The following FBXO22 variants were observed in gnomAD, a reference collection of about 807,000 sequenced individuals.
FBXO22 encodes F-box only protein 22.
FBXO22 carries 13 observed loss-of-function variants against 37.2 expected under a neutral mutation model. The ratio of observed to expected loss-of-function variants is 0.35; its 90% CI spans 0.23 to 0.56. The LOEUF is 0.56. Ranked by LOEUF, FBXO22 falls within the 20% of genes least tolerant of loss-of-function variation. The pLI is 0.87. For synonymous variants in FBXO22, 189 were observed against 189.1 expected, an observed-to-expected ratio of 1.00 and a Z score of 0.00; for missense variants, 446 against 509.9, an observed-to-expected ratio of 0.87 and a Z score of 1.21.
chr15:75,904,168 G>A lies in FBXO22; in HGVS notation c.140+65G>A, dbSNP rs1595908874. ...CACGCCGTGGGCATGTCCCAGGCTG[G>A]CGGGGTGGGGGGAGAGACCCTTGGG... On this transcript the variant is annotated intron_variant, in intron 1 of 6. Transcript: ENST00000308275. The A allele has an allele frequency of 2.0e-6, 3 of 1,477,284 alleles. No homozygotes were observed. The East Asian group carries it at 7.5e-5, about 37-fold the overall frequency. 91.5% of individuals were successfully genotyped at this position (1,477,284 alleles called of 1,614,324 possible). A position where few individuals can be genotyped will look rare whatever the true frequency, so the allele number is the denominator to read the frequency against.
chr15:75,904,826 C>CTTT lies in FBXO22; in HGVS notation c.279+210_279+212dup, dbSNP rs3991408. Among the ~76,000 whole-genome samples, 1,332 of 136,044 alleles carry CTTT rather than the reference C, an allele frequency of 9.8e-3. 44 individuals are homozygous for CTTT. Among genetic ancestry groups the CTTT allele is most frequent in the African/African-American group, 0.027 (994 of 36,428 alleles). The allele number at this position is 136,044 out of a possible 152,430, so 89.3% of individuals were successfully genotyped here. A position where few individuals can be genotyped will look rare whatever the true frequency, so the allele number is the denominator to read the frequency against. ...TTTGACCGTTCATCAAATGTTGGGC[C>CTTT]TTTTTTTTTTTTTTTGAGACGTAGT... is the stretch of plus-strand genomic sequence containing the variant. On this transcript the variant is annotated intron_variant, in intron 2 of 6. Transcript: ENST00000308275.
At position 75,932,927 on chromosome 15, in the gene FBXO22, G is replaced by A; in HGVS notation, c.1037G>A (p.Arg346Lys). Residue 346 changes from arginine (R) to lysine (K), a missense_variant, in exon 7 of 7, where the codon AGA (arginine) becomes AAA (lysine). Arg to Lys is a conservative substitution (Grantham distance 26, BLOSUM62 2). This residue lies in a region of FBXO22 where 315 missense variants were observed against 410.1 expected (regional missense o/e 0.77). Transcript: ENST00000308275. ...AKGNVEADAFRKFFPSVPLFG... is the reference protein window; with the variant it reads ...AKGNVEADAFKKFFPSVPLFG... ...GGGAATGTTGAGGCTGATGCATTTA[G>A]AAAGTTTTTTCCTAGTGTTCCCTTA... 1 of 1,614,262 alleles carries A rather than the reference G, an allele frequency of 6.2e-7. No individual in the cohort carries two copies. Among genetic ancestry groups the A allele is most frequent in the Non-Finnish European group, 8.5e-7 (1 of 1,180,044 alleles).
chr15:75,932,551 A>G (rs1334505134), intron 6 of FBXO22, 134 bp from the exon 7 acceptor site: 2 of 789,078 alleles, frequency 2.5e-6, no homozygotes, highest in South Asian at 3.6e-5. Flanking sequence ...TTACTCACCT[A>G]TGAGGGTGAG....
intron 4 of FBXO22, among the ~76,000 whole-genome samples, chr15:75,916,046 CTCTG>C (rs1900176374): frequency 2.1e-5 from 2 of 96,260 alleles, no homozygotes; most frequent in South Asian, 7.8e-4. Flanking sequence ...CAGAGTAAGA[CTCTG>C]TCTCCAAAAA....
At chr15:75,913,843 C>T (rs1900123979) in intron 3 of FBXO22, among the ~76,000 whole-genome samples, 1 of 152,132 alleles carries the variant, frequency 6.6e-6, no homozygotes, top group Non-Finnish European at 1.5e-5. Flanking sequence ...TCAGCTGTTA[C>T]TGCTAAATTT....
intron 2 of FBXO22, 63 bp downstream of exon 2, chr15:75,904,692 A>G: frequency 7.1e-7 from 1 of 1,401,200 alleles, no homozygotes; most frequent in Non-Finnish European, 9.5e-7. Context: ...TTTGAGAACT[A>G]TTTTTTTTTA....
In FBXO22 at chr15:75,940,124, AT is replaced by A. The variant is rs66659406; in HGVS notation, c.*7023del. The A allele has an allele frequency of 0.43, 63,432 of 146,650 alleles. 13,956 individuals carry two copies. The highest frequency in any genetic ancestry group is 0.48 in the Admixed American group (7,151 of 14,756). 9.1% of individuals were successfully genotyped at this position (146,650 alleles called of 1,614,324 possible). On this transcript the variant is annotated 3_prime_UTR_variant, in exon 7 of 7. Transcript: ENST00000308275. ...AAAGATTCCACACCAAAAAAAAAAA[AT>A]AACTGTTAATTCAGTAAGGTAGCAG...
Position 75,941,308 on chromosome 15 carries a change from T to C in FBXO22, c.*8206T>C, listed in dbSNP as rs1555428215. On this transcript the variant is annotated 3_prime_UTR_variant, in exon 7 of 7. Transcript: ENST00000308275. ...AAGTGTTGGCAAGGATGTGGAGAAA[T>C]TGGAACTCTTATTACTGATGGAAAT... The C allele has an allele frequency of 6.6e-6, 1 of 152,132 alleles. No homozygotes were observed. The highest frequency in any genetic ancestry group is 1.5e-5 in the Non-Finnish European group (1 of 68,008). 9.4% of individuals were successfully genotyped at this position (152,132 alleles called of 1,614,324 possible). A position where few individuals can be genotyped will look rare whatever the true frequency, so the allele number is the denominator to read the frequency against.
At position 75,941,320 on chromosome 15, in the gene FBXO22, T is replaced by C. The variant is rs981697479; in HGVS notation, c.*8218T>C. 6.6e-6 allele frequency: 1 copy of C among 152,204 alleles called. No homozygotes were observed. Among genetic ancestry groups the C allele is most frequent in the African/African-American group, 2.4e-5 (1 of 41,450 alleles). 9.4% of individuals were successfully genotyped at this position (152,204 alleles called of 1,614,324 possible). A position where few individuals can be genotyped will look rare whatever the true frequency, so the allele number is the denominator to read the frequency against. ...GGATGTGGAGAAATTGGAACTCTTA[T>C]TACTGATGGAAATATAGTGGTATGC... On this transcript the variant is annotated 3_prime_UTR_variant, in exon 7 of 7. Transcript: ENST00000308275.
chr15:75,924,884 T>A (rs991684353), intron 5 of FBXO22, among the ~76,000 whole-genome samples: 3 of 152,238 alleles, frequency 2.0e-5, no homozygotes, highest in Non-Finnish European at 4.4e-5. Context: ...CTTTTCCTTT[T>A]ACAAATATCC....
At chr15:75,909,060 G>T (rs539226094) in intron 2 of FBXO22, among the ~76,000 whole-genome samples, 2 of 152,128 alleles carry the variant, frequency 1.3e-5, no homozygotes, top group African/African-American at 4.8e-5. Flanking sequence ...ATTTTATTCT[G>T]GTAGTAAAAA....
intron 5 of FBXO22, among the ~76,000 whole-genome samples, chr15:75,928,370 C>G (rs1688277436): frequency 6.6e-6 from 1 of 152,026 alleles, no homozygotes; most frequent in Admixed American, 6.6e-5. Context: ...CAGTGATAAA[C>G]TGGATAAAGA....
At position 75,934,325 on chromosome 15, in the gene FBXO22, T is replaced by A. The variant is rs972384115; in HGVS notation, c.*1223T>A. The A allele has an allele frequency of 6.6e-6, 1 of 152,292 alleles. No homozygotes were observed. Among genetic ancestry groups the A allele is most frequent in the Non-Finnish European group, 1.5e-5 (1 of 68,090 alleles). The allele number at this position is 152,292 out of a possible 1,614,324, so 9.4% of individuals were successfully genotyped here. On this transcript the variant is annotated 3_prime_UTR_variant, in exon 7 of 7. Transcript: ENST00000308275. ...GGATCCTGGTCCCTGTACGACCTCATTGAAGAAACACCATAAGTGGCGTGG... is the reference window on the plus strand; with the variant it reads ...GGATCCTGGTCCCTGTACGACCTCAATGAAGAAACACCATAAGTGGCGTGG...
In FBXO22 at chr15:75,932,250, A is replaced by G. The variant is rs190164437; in HGVS notation, c.795-435A>G. On this transcript the variant is annotated intron_variant, in intron 6 of 6. Transcript: ENST00000308275. ...CACCCTCCATTATTATATTTTTAAT[A>G]TACATCTTTCAGAATTTGACAGCTG... 5.3e-4 allele frequency among the ~76,000 whole-genome samples: 81 copies of G among 152,354 alleles called. 1 individual carries two copies. Among genetic ancestry groups the G allele is most frequent in the Middle Eastern group, 3.4e-3 (1 of 294 alleles).
At position 75,935,049 on chromosome 15, in the gene FBXO22, T is replaced by C. The variant is rs1026113171; in HGVS notation, c.*1947T>C. The C allele has an allele frequency of 1.3e-5, 2 of 152,240 alleles. No homozygotes were observed. The highest frequency in any genetic ancestry group is 2.9e-5 in the Non-Finnish European group (2 of 68,048). The allele number at this position is 152,240 out of a possible 1,614,324, so 9.4% of individuals were successfully genotyped here. ...ACAGTAAAATCATTTAGTCACATGG[T>C]TGTAACCTTAGTGCAAAGTAAAAAG... On this transcript the variant is annotated 3_prime_UTR_variant, in exon 7 of 7. Coordinates refer to ENST00000308275, the MANE Select transcript of FBXO22 (RefSeq NM_147188.3).
At chr15:75,904,650 T>G in intron 2 of FBXO22, 21 bp downstream of exon 2, 1 of 1,572,276 alleles carries the variant, frequency 6.4e-7, no homozygotes, top group Non-Finnish European at 8.6e-7. Context: ...AGGGGTGTCA[T>G]GCACAGTCAT....
In FBXO22 at chr15:75,933,626, ATAAAAAT is replaced by A. The variant is rs2030146645; in HGVS notation, c.*529_*535del. 5 of 163,186 alleles carry A rather than the reference ATAAAAAT, an allele frequency of 3.1e-5. No homozygotes were observed. In the South Asian group the frequency reaches 6.9e-4, roughly 22 times the overall value. 10.1% of individuals were successfully genotyped at this position (163,186 alleles called of 1,614,324 possible). On this transcript the variant is annotated 3_prime_UTR_variant, in exon 7 of 7. Transcript: ENST00000308275. Reference sequence around the variant, plus strand: ...TTATTATTGACTTTTTACTTATTTGATAAAAATTAAAGAACTATTTTTGTTTTGGTCA... The same window carrying A: ...TTATTATTGACTTTTTACTTATTTGATAAAGAACTATTTTTGTTTTGGTCA...
At chr15:75,909,086 T>C (rs1899991224) in intron 2 of FBXO22, among the ~76,000 whole-genome samples, 1 of 152,238 alleles carries the variant, frequency 6.6e-6, no homozygotes. Context: ...TGAAAATAGC[T>C]AGCTTGGAAA....
Position 75,933,444 on chromosome 15 carries a change from A to T in FBXO22, c.*342A>T, listed in dbSNP as rs1457633132. ...TATTCATCAATAGGATATAGATTTAAGACATTCCCTGACTACCCCTTGCGT... is the reference window on the plus strand; with the variant it reads ...TATTCATCAATAGGATATAGATTTATGACATTCCCTGACTACCCCTTGCGT... On this transcript the variant is annotated 3_prime_UTR_variant, in exon 7 of 7. Coordinates refer to ENST00000308275, the MANE Select transcript of FBXO22 (RefSeq NM_147188.3). 1 of 228,418 alleles carries T rather than the reference A, an allele frequency of 4.4e-6. No individual in the cohort carries two copies. The highest frequency in any genetic ancestry group is 8.6e-6 in the Non-Finnish European group (1 of 115,882). The allele number at this position is 228,418 out of a possible 1,614,324, so 14.1% of individuals were successfully genotyped here.
Sources: allele counts gnomAD v4.1 joint callset (sites outside exome capture counted in the v4.1 genomes callset), GRCh38; gene constraint gnomAD v4.1.1; regional missense constraint gnomAD v4.1.1; transcripts MANE v1.5; gene names NCBI Gene and HGNC (gene_info 2026-07-23, HGNC 2026-07-21).